Variants in PRICKLE2 observed in about 807,000 individuals in gnomAD.
PRICKLE2 encodes the protein prickle-like protein 2.
PRICKLE2 carries 21 observed loss-of-function variants against 81.4 expected under a neutral mutation model. The ratio of observed to expected loss-of-function variants is 0.26; its 90% CI spans 0.18 to 0.37. The LOEUF is 0.37. Among genes scored for constraint, PRICKLE2 ranks in the 10% least tolerant of loss-of-function variants. The pLI is 1.00. For missense variants in PRICKLE2, 940 were observed against 1,109.0 expected (o/e 0.85, Z 2.16); for synonymous variants, 456 against 421.5 (o/e 1.08, Z -1.00).
chr3:64,198,257 A>C (rs1245245918), intron 2 of PRICKLE2, among the ~76,000 whole-genome samples: 46 of 138,098 alleles, frequency 3.3e-4, no homozygotes, highest in African/African-American at 1.3e-3. Context: ...TAAATAAATA[A>C]AACAAAAAAA....
chr3:64,101,719 A>T (rs2076666432), intron 7 of PRICKLE2: 1 of 152,266 alleles, frequency 6.6e-6, no homozygotes, highest in Non-Finnish European at 1.5e-5. Flanking sequence ...GTTCACAAGA[A>T]GGAAGGGGGT....
intron 2 of PRICKLE2, among the ~76,000 whole-genome samples, chr3:64,246,846 A>G (rs2079364857): frequency 6.6e-6 from 1 of 152,210 alleles, no homozygotes; most frequent in South Asian, 2.1e-4. Flanking sequence ...TTATTGGTAG[A>G]AAGTACCCTC....
At chr3:64,161,360 A>C (rs1486483982) in intron 3 of PRICKLE2, among the ~76,000 whole-genome samples, 2 of 152,198 alleles carry the variant, frequency 1.3e-5, no homozygotes, top group African/African-American at 4.8e-5. Flanking sequence ...CAGAAAGGTT[A>C]AGTGAATTGC....
Position 64,121,479 on chromosome 3 carries a change from T to G in PRICKLE2, c.1661-21554A>C, listed in dbSNP as rs1220871817. Among the ~76,000 whole-genome samples the G allele has an allele frequency of 2.0e-5, 3 of 151,856 alleles. No individual in the cohort carries two copies. In the South Asian group the frequency reaches 6.2e-4, roughly 31 times the overall value. ...GTTAAAATCCAAACATATCTGCTTA[T>G]AATTTCTGTCTCAGTTATTGTAACT... On this transcript the variant is annotated intron_variant, in intron 7 of 7. Coordinates refer to ENST00000638394, the MANE Select transcript of PRICKLE2 (RefSeq NM_198859.4).
At position 64,099,678 on chromosome 3, in the gene PRICKLE2, G is replaced by T; in HGVS notation, c.1908C>A (p.His636Gln). The stretch of plus-strand genomic sequence containing the variant: ...AATCAAAGCTCTGATGCATCCTTCC[G>T]TGGGACTGCAGGTCTCTGTAGCCAA... ...NPIGYRDLQS[H>Q]GRMHQSFDFD... The change falls in exon 8 of 8, where the codon CAC (histidine) becomes CAA (glutamine). Residue 636 changes from histidine (H) to glutamine (Q), a missense_variant. This residue lies in a region of PRICKLE2 where 670 missense variants were observed against 717.2 expected (regional missense o/e 0.93). Coordinates refer to ENST00000638394, the MANE Select transcript of PRICKLE2 (RefSeq NM_198859.4). This position sits in a 1 kb window ranked among gnomAD's most constrained non-coding sequence, Gnocchi z 4.3. The T allele has an allele frequency of 6.2e-7, 1 of 1,614,138 alleles. No homozygotes were observed.
chr3:64,122,319 C>A (rs2077040206), intron 7 of PRICKLE2, among the ~76,000 whole-genome samples: 1 of 152,108 alleles, frequency 6.6e-6, no homozygotes, highest in Non-Finnish European at 1.5e-5. Flanking sequence ...CACCCTTTGC[C>A]CCCAAAAATT....
intron 2 of PRICKLE2, among the ~76,000 whole-genome samples, chr3:64,243,431 T>C (rs1472168134): frequency 2.0e-5 from 3 of 152,182 alleles, no homozygotes; most frequent in Non-Finnish European, 2.9e-5. Context: ...ACGGACAAAA[T>C]TGCCCCCCTT....
chr3:64,112,918 C>T (rs1218194205), intron 7 of PRICKLE2, among the ~76,000 whole-genome samples: 2 of 152,154 alleles, frequency 1.3e-5, no homozygotes, highest in Non-Finnish European at 2.9e-5. Context: ...GACTGGCATG[C>T]TTTTAACAGA....
chr3:64,248,083 G>C (rs1172702368), intron 2 of PRICKLE2, among the ~76,000 whole-genome samples: 8 of 152,270 alleles, frequency 5.3e-5, no homozygotes, highest in Admixed American at 5.2e-4. Context: ...TTTTGCAGGA[G>C]TAAGTTGAAC....
intron 1 of PRICKLE2, among the ~76,000 whole-genome samples, chr3:64,202,047 T>C (rs553092559): frequency 1.3e-5 from 2 of 152,330 alleles, no homozygotes; most frequent in East Asian, 3.9e-4. Flanking sequence ...TGACCATAGC[T>C]GTAAGAGTTT....
At chr3:64,180,200 CA>C (rs1339635344) in intron 2 of PRICKLE2, among the ~76,000 whole-genome samples, 3 of 152,162 alleles carry the variant, frequency 2.0e-5, no homozygotes, top group African/African-American at 7.2e-5. Flanking sequence ...TTGGTCTGTG[CA>C]AGAGAAGTTA....
intron 2 of PRICKLE2, among the ~76,000 whole-genome samples, chr3:64,258,305 C>T (rs566100046): frequency 4.3e-4 from 66 of 152,196 alleles, no homozygotes; most frequent in Non-Finnish European, 3.5e-4. Flanking sequence ...AAGTCTCTAA[C>T]CAGAAACTAA....
rs1309123900 is a variant in PRICKLE2, at chr3:64,098,146, G to C, written c.*905C>G. 2 of 152,636 alleles carry C rather than the reference G, an allele frequency of 1.3e-5. No individual in the cohort carries two copies. The highest frequency in any genetic ancestry group is 4.8e-5 in the African/African-American group (2 of 41,448). The allele number at this position is 152,636 out of a possible 1,614,324, so 9.5% of individuals were successfully genotyped here. A position where few individuals can be genotyped will look rare whatever the true frequency, so the allele number is the denominator to read the frequency against. On this transcript the variant is annotated 3_prime_UTR_variant, in exon 8 of 8. Coordinates refer to ENST00000638394, the MANE Select transcript of PRICKLE2 (RefSeq NM_198859.4). ...ACATCACACAATGGCACCACTCACA[G>C]TCACTTTTACTTTCCCCAAGGGATA...
chr3:64,198,037 C>G (rs2078491204), intron 2 of PRICKLE2, among the ~76,000 whole-genome samples: 1 of 151,782 alleles, frequency 6.6e-6, no homozygotes, highest in East Asian at 2.0e-4. Flanking sequence ...TGGTGAAACC[C>G]CATCTCTACT....
intron 1 of PRICKLE2, among the ~76,000 whole-genome samples, chr3:64,213,077 CTTTT>C (rs374873926): frequency 8.0e-6 from 1 of 125,520 alleles, no homozygotes. Flanking sequence ...GTTTTTTGTT[CTTTT>C]TTTTTTTTTT....
intron 7 of PRICKLE2, among the ~76,000 whole-genome samples, chr3:64,139,681 A>G (rs1263767574): frequency 6.6e-6 from 1 of 152,194 alleles, no homozygotes; most frequent in Non-Finnish European, 1.5e-5. Flanking sequence ...AGAAAGGCCT[A>G]CACCATTAAT....
At chr3:64,226,675 G>A (rs962331573), upstream of PRICKLE2, among the ~76,000 whole-genome samples, 11 of 152,140 alleles carry the variant, frequency 7.2e-5, no homozygotes, top group Non-Finnish European at 1.5e-4. Context: ...AAAATTCACC[G>A]AGGCATACTA....
At chr3:64,216,097 T>G (rs1326985752) in intron 1 of PRICKLE2, among the ~76,000 whole-genome samples, 1 of 152,204 alleles carries the variant, frequency 6.6e-6, no homozygotes, top group African/African-American at 2.4e-5. Flanking sequence ...TGGGTAATCA[T>G]GTAGAAAAAT....
chr3:64,234,340 A>G (rs1334208574), intron 2 of PRICKLE2, among the ~76,000 whole-genome samples: 1 of 152,020 alleles, frequency 6.6e-6, no homozygotes, highest in African/African-American at 2.4e-5. Context: ...TGTCTTTTTT[A>G]TTATAGTCAT....
Sources: gnomAD v4.1 joint callset for allele counts (sites outside exome capture counted in the v4.1 genomes callset) on GRCh38, gnomAD v4.1.1 for gene constraint, gnomAD v4.1.1 regional missense constraint, Gnocchi (gnomAD v3.1) non-coding constraint, MANE v1.5 for transcripts, NCBI Gene and HGNC (gene_info 2026-07-23, HGNC 2026-07-21) for gene names.